The following GNA13 variants were observed in gnomAD, a reference collection of about 807,000 sequenced individuals.
GNA13 encodes guanine nucleotide-binding protein subunit alpha-13.
In GNA13, 4 loss-of-function variants were observed where a neutral mutation model predicts 33.5. The observed-to-expected ratio is 0.12, with a 90% CI of 0.06 to 0.27. The LOEUF is 0.27. GNA13 is among the 10% of genes least tolerant of loss of function. GNA13 has a pLI of 1.00. For synonymous variants in GNA13, 176 were observed against 183.8 expected (o/e 0.96, Z 0.34); for missense variants, 319 against 487.2 (o/e 0.65, Z 3.25).
intron 1 of GNA13, among the ~76,000 whole-genome samples, chr17:65,054,951 G>A (rs1395850674): frequency 6.6e-6 from 1 of 151,700 alleles, no homozygotes; most frequent in East Asian, 1.9e-4. Flanking sequence ...AGGTACTAGG[G>A]CTAGAGCTGG....
chr17:65,010,969 A>G lies in GNA13; in HGVS notation c.*3288T>C, dbSNP rs146686590. On this transcript the variant is annotated 3_prime_UTR_variant, in exon 4 of 4. Coordinates refer to ENST00000439174, the MANE Select transcript of GNA13 (RefSeq NM_006572.6). ...CAAATAGTGATTTGAATTTTAGGAC[A>G]TAACAGTGTAACATGGTAACTTTAT... is the stretch of plus-strand genomic sequence containing the variant. The G allele has an allele frequency of 2.2e-3, 444 of 200,370 alleles. 6 individuals carry two copies. The East Asian group carries it at 0.033, about 15-fold the overall frequency. 12.4% of individuals were successfully genotyped at this position (200,370 alleles called of 1,614,324 possible).
intron 2 of GNA13, 71 bp from the exon 3 acceptor site, chr17:65,018,374 C>A: frequency 1.2e-6 from 1 of 829,796 alleles, no homozygotes; most frequent in South Asian, 1.4e-5. Context: ...CAGTTTACAT[C>A]ATACTGTCTG....
At chr17:65,042,605 T>C (rs1907501139) in intron 2 of GNA13, among the ~76,000 whole-genome samples, 1 of 151,448 alleles carries the variant, frequency 6.6e-6, no homozygotes, top group Non-Finnish European at 1.5e-5. Flanking sequence ...GGCATGGTGG[T>C]GCGGGCCTGT....
chr17:65,035,882 G>A (rs1907230262), intron 2 of GNA13, among the ~76,000 whole-genome samples: 1 of 151,810 alleles, frequency 6.6e-6, no homozygotes, highest in Admixed American at 6.6e-5. Context: ...CCCAAATACA[G>A]TTTCAATTCC....
chr17:65,028,303 G>A (rs1567820672), intron 2 of GNA13, among the ~76,000 whole-genome samples: 3 of 151,890 alleles, frequency 2.0e-5, no homozygotes, highest in Admixed American at 6.6e-5. Context: ...TACTTGGGAG[G>A]GAGGTTGAGG....
At chr17:65,041,394 T>C (rs1907448486) in intron 2 of GNA13, among the ~76,000 whole-genome samples, 2 of 152,128 alleles carry the variant, frequency 1.3e-5, no homozygotes, top group South Asian at 4.1e-4. Context: ...AATTTGAAAT[T>C]TGCTAATTTT....
chr17:65,030,614 T>C (rs1264402050), intron 2 of GNA13, among the ~76,000 whole-genome samples: 2 of 152,210 alleles, frequency 1.3e-5, no homozygotes, highest in African/African-American at 4.8e-5. Context: ...TTGTAAAATG[T>C]CCAGAATTTA....
rs939394070 is a variant in GNA13, at chr17:65,011,701, T to C, written c.*2556A>G. 10 of 226,974 alleles carry C rather than the reference T, an allele frequency of 4.4e-5. No individual in the cohort carries two copies. The highest frequency in any genetic ancestry group is 1.7e-4 in the Admixed American group (3 of 17,596). The allele number at this position is 226,974 out of a possible 1,614,324, so 14.1% of individuals were successfully genotyped here. ...AGGATTAGGCACATTTTATTCCAAA[T>C]CATAACCATAAAGATTTAGAAAATC... On this transcript the variant is annotated 3_prime_UTR_variant, in exon 4 of 4. Coordinates refer to ENST00000439174, the MANE Select transcript of GNA13 (RefSeq NM_006572.6).
At chr17:65,021,085 T>C (rs1906565630) in intron 2 of GNA13, among the ~76,000 whole-genome samples, 1 of 152,220 alleles carries the variant, frequency 6.6e-6, no homozygotes, top group Admixed American at 6.5e-5. Flanking sequence ...TAGGTTACTG[T>C]AGTAAGGCTG....
chr17:65,040,666 G>A (rs923934809), intron 2 of GNA13, among the ~76,000 whole-genome samples: 2 of 152,030 alleles, frequency 1.3e-5, no homozygotes, highest in African/African-American at 4.8e-5. Flanking sequence ...GCTAATTTTT[G>A]TATTTTTAGT....
intron 2 of GNA13, among the ~76,000 whole-genome samples, chr17:65,047,402 T>C (rs1013457952): frequency 6.6e-6 from 1 of 152,088 alleles, no homozygotes; most frequent in Admixed American, 6.6e-5. Flanking sequence ...AAAATATTAA[T>C]AAAGTAAGAT....
Position 65,020,713 on chromosome 17 carries a change from C to T in GNA13, c.511-2410G>A, listed in dbSNP as rs549137621. Among the ~76,000 whole-genome samples, 12 of 151,358 alleles carry T rather than the reference C, an allele frequency of 7.9e-5. No homozygotes were observed. In the South Asian group the frequency reaches 8.4e-4, roughly 11 times the overall value. On this transcript the variant is annotated intron_variant, in intron 2 of 3. Transcript: ENST00000439174. ...TTGCCCAGGCTGGGGTGCAATGGCG[C>T]GATCTTGGCTCAATACAACCTCCAC...
At position 65,010,071 on chromosome 17, in the gene GNA13, T is replaced by C. The variant is rs906903506; in HGVS notation, c.*4186A>G. Reference sequence around the variant, plus strand: ...ACTCTCCTTATCAAGACATAAAATATTGCCATATCATTCATGCTTTCAAAA... The same window carrying C: ...ACTCTCCTTATCAAGACATAAAATACTGCCATATCATTCATGCTTTCAAAA... On this transcript the variant is annotated 3_prime_UTR_variant, in exon 4 of 4. Coordinates refer to ENST00000439174, the MANE Select transcript of GNA13 (RefSeq NM_006572.6). Among the ~76,000 whole-genome samples the C allele has an allele frequency of 6.6e-5, 10 of 152,354 alleles. No individual in the cohort carries two copies. The East Asian group carries it at 7.7e-4, about 12-fold the overall frequency.
intron 2 of GNA13, among the ~76,000 whole-genome samples, chr17:65,047,487 G>C (rs1296897987): frequency 6.6e-6 from 1 of 152,084 alleles, no homozygotes; most frequent in Non-Finnish European, 1.5e-5. Flanking sequence ...ACTAATCCTA[G>C]AATCAAAAGA....
intron 2 of GNA13, among the ~76,000 whole-genome samples, chr17:65,019,154 C>T (rs1180953894): frequency 1.3e-5 from 2 of 151,934 alleles, no homozygotes; most frequent in East Asian, 3.9e-4. Flanking sequence ...GATCTCCTCA[C>T]ACTGCAGGCT....
rs143195030 is a variant in GNA13, at chr17:65,015,244, C to T, written c.562-415G>A. 3.6e-4 allele frequency among the ~76,000 whole-genome samples: 55 copies of T among 152,176 alleles called. 1 individual carries two copies. In the East Asian group the frequency reaches 0.01, roughly 28 times the overall value. ...CTGAAGTCTTATCAATTGTTCTTAC[C>T]CACCCTCACTGCTATATATCCACCT... On this transcript the variant is annotated intron_variant, in intron 3 of 3. Transcript: ENST00000439174.
intron 2 of GNA13, among the ~76,000 whole-genome samples, chr17:65,025,490 T>C (rs1280327193): frequency 1.3e-5 from 2 of 152,194 alleles, no homozygotes; most frequent in African/African-American, 4.8e-5. Flanking sequence ...ATGGACCTGA[T>C]ACTCCAGATG....
At chr17:65,044,729 T>C (rs1009213813) in intron 2 of GNA13, among the ~76,000 whole-genome samples, 3 of 151,458 alleles carry the variant, frequency 2.0e-5, no homozygotes, top group African/African-American at 4.8e-5. Context: ...CATGATTACA[T>C]GAGAAGCATT....
chr17:65,056,266 AGCCCCCCTGCCCTTAACCCCCG>A (rs1908054468), intron 1 of GNA13, 23 bp downstream of exon 1: 2 of 358,606 alleles, frequency 5.6e-6, no homozygotes, highest in African/African-American at 4.5e-5. Flanking sequence ...CCGCCGCCCC[AGCCCCCCTGCCCTTAACCCCCG>A]GCCCCCATTC....
Sources: gnomAD v4.1 joint callset for allele counts (sites outside exome capture counted in the v4.1 genomes callset) on GRCh38, gnomAD v4.1.1 for gene constraint, MANE v1.5 for transcripts, NCBI Gene and HGNC (gene_info 2026-07-23, HGNC 2026-07-21) for gene names.